The following PPP3CA variants were observed in gnomAD, a reference collection of about 807,000 sequenced individuals.
PPP3CA encodes CAM-PRP catalytic subunit.
A neutral mutation model predicts 66.5 loss-of-function variants in PPP3CA; 14 were observed. The observed-to-expected ratio is 0.21, with a 90% CI of 0.14 to 0.33. PPP3CA has a LOEUF of 0.33. Ranked by LOEUF, PPP3CA falls within the 10% of genes least tolerant of loss-of-function variation. The pLI is 1.00. For missense variants in PPP3CA, 317 were observed against 639.5 expected (o/e 0.50, Z 5.44); for synonymous variants, 232 against 226.2 (o/e 1.03, Z -0.23).
intron 2 of PPP3CA, among the ~76,000 whole-genome samples, chr4:101,125,493 A>G (rs796540702): frequency 2.0e-4 from 31 of 152,230 alleles, no homozygotes; most frequent in African/African-American, 7.5e-4. Context: ...CACTGCATCC[A>G]GGGAATGGTG....
At position 101,275,899 on chromosome 4, in the gene PPP3CA, T is replaced by G. The variant is rs147546693; in HGVS notation, c.58+70840A>C. Among the ~76,000 whole-genome samples, 1,231 of 151,286 alleles carry G rather than the reference T, an allele frequency of 8.1e-3. 10 individuals are homozygous for G. The highest frequency in any genetic ancestry group is 0.02 in the Middle Eastern group (6 of 294). On this transcript the variant is annotated intron_variant, in intron 1 of 13. Transcript: ENST00000394854. ...TTTTTGTTTGTTTGTTTGTTTTTTG[T>G]TTTTTGTTTTTTTTTGAGACAGGGT...
chr4:101,045,090 G>C (rs1727700532), intron 10 of PPP3CA, among the ~76,000 whole-genome samples: 1 of 152,218 alleles, frequency 6.6e-6, no homozygotes, highest in African/African-American at 2.4e-5. Flanking sequence ...ACCTGAATTA[G>C]TAGTGTGCAG....
chr4:101,256,075 G>C (rs1420520554), intron 1 of PPP3CA, among the ~76,000 whole-genome samples: 1 of 151,866 alleles, frequency 6.6e-6, no homozygotes, highest in Admixed American at 6.6e-5. Context: ...CCCCTGAACA[G>C]GGGTGCTGAT....
At chr4:101,286,807 A>C (rs924764434) in intron 1 of PPP3CA, among the ~76,000 whole-genome samples, 11 of 152,224 alleles carry the variant, frequency 7.2e-5, no homozygotes, top group African/African-American at 2.2e-4. Context: ...GAGAATCTGA[A>C]GGCCTATAAA....
intron 1 of PPP3CA, among the ~76,000 whole-genome samples, chr4:101,302,530 G>A (rs1273378888): frequency 2.6e-5 from 4 of 152,050 alleles, no homozygotes; most frequent in African/African-American, 7.2e-5. Context: ...TGCCATTACG[G>A]CACTTTTCTG....
intron 2 of PPP3CA, among the ~76,000 whole-genome samples, chr4:101,159,691 C>T (rs1400939444): frequency 6.6e-6 from 1 of 152,096 alleles, no homozygotes; most frequent in African/African-American, 2.4e-5. Context: ...AAATTATTCC[C>T]ATCCTATGTG....
intron 1 of PPP3CA, among the ~76,000 whole-genome samples, chr4:101,283,136 A>G (rs1181931410): frequency 6.6e-6 from 1 of 152,238 alleles, no homozygotes; most frequent in African/African-American, 2.4e-5. Context: ...TAGTATTACC[A>G]CTTTACAGGA....
chr4:101,342,211 G>C (rs1729839973), intron 1 of PPP3CA, among the ~76,000 whole-genome samples: 3 of 152,042 alleles, frequency 2.0e-5, no homozygotes, highest in Non-Finnish European at 2.9e-5. Flanking sequence ...ATTTTAACTG[G>C]ATGTCTTAAG....
chr4:101,085,150 G>C (rs866606049), intron 6 of PPP3CA, among the ~76,000 whole-genome samples: 6 of 152,208 alleles, frequency 3.9e-5, no homozygotes, highest in Admixed American at 6.5e-5. Flanking sequence ...CAGCTAAGGG[G>C]CACAGAATAG....
At chr4:101,223,260 G>C (rs1725680427) in intron 1 of PPP3CA, among the ~76,000 whole-genome samples, 1 of 151,758 alleles carries the variant, frequency 6.6e-6, no homozygotes, top group Non-Finnish European at 1.5e-5. Context: ...GGAAAGAAAT[G>C]TAACTATCTC....
chr4:101,192,675 T>C (rs550878297), intron 2 of PPP3CA, among the ~76,000 whole-genome samples: 4 of 152,326 alleles, frequency 2.6e-5, no homozygotes, highest in African/African-American at 9.6e-5. Flanking sequence ...ACAATTGTAC[T>C]TATCATACAT....
chr4:101,280,229 A>C (rs1321272236), intron 1 of PPP3CA, among the ~76,000 whole-genome samples: 1 of 152,178 alleles, frequency 6.6e-6, no homozygotes, highest in African/African-American at 2.4e-5. Context: ...AAGTAGCCAG[A>C]TTGAGAATAG....
rs774880184 is a variant in PPP3CA, at chr4:101,334,848, G to A, written c.58+11891C>T. On this transcript the variant is annotated intron_variant, in intron 1 of 13. Transcript: ENST00000394854. ...TACATGATATAACATTCACTTCTAC[G>A]AAACACTAGGATAAACAAATCCAGA... Among the ~76,000 whole-genome samples the A allele has an allele frequency of 5.3e-5, 8 of 152,002 alleles. No individual in the cohort carries two copies. The South Asian group carries it at 6.2e-4, about 12-fold the overall frequency.
At chr4:101,312,650 T>C (rs1283714307) in intron 1 of PPP3CA, among the ~76,000 whole-genome samples, 1 of 152,062 alleles carries the variant, frequency 6.6e-6, no homozygotes, top group Non-Finnish European at 1.5e-5. Flanking sequence ...TTTAGTAAAA[T>C]GTGGTCTGAA....
At chr4:101,084,678 G>A (rs1729584476) in intron 6 of PPP3CA, among the ~76,000 whole-genome samples, 2 of 151,912 alleles carry the variant, frequency 1.3e-5, no homozygotes, top group Non-Finnish European at 2.9e-5. Context: ...TACAGTTATA[G>A]AGATACTGAC....
At chr4:101,324,660 G>T (rs1475385189) in intron 1 of PPP3CA, among the ~76,000 whole-genome samples, 1 of 151,312 alleles carries the variant, frequency 6.6e-6, no homozygotes, top group Non-Finnish European at 1.5e-5. Context: ...CTCCCTCAGT[G>T]TAACTCTTCA....
chr4:101,118,325 G>A (rs556989490), intron 2 of PPP3CA, among the ~76,000 whole-genome samples: 2 of 152,118 alleles, frequency 1.3e-5, no homozygotes, highest in South Asian at 4.2e-4. Flanking sequence ...TGGAGAATCA[G>A]CTAATCTCTC....
intron 2 of PPP3CA, among the ~76,000 whole-genome samples, chr4:101,119,470 A>G (rs1721953616): frequency 6.6e-6 from 1 of 152,070 alleles, no homozygotes; most frequent in Non-Finnish European, 1.5e-5. Flanking sequence ...AAACAGAAGT[A>G]ATGTAAGACA....
At chr4:101,346,176 G>A (rs934649471) in intron 1 of PPP3CA, among the ~76,000 whole-genome samples, 2 of 151,798 alleles carry the variant, frequency 1.3e-5, no homozygotes, top group African/African-American at 2.4e-5. Flanking sequence ...TCCTGTGCAG[G>A]CCCTTCCAGG....
Sources: gnomAD v4.1 joint callset for allele counts (sites outside exome capture counted in the v4.1 genomes callset) on GRCh38, gnomAD v4.1.1 for gene constraint, MANE v1.5 for transcripts, NCBI Gene and HGNC (gene_info 2026-07-23, HGNC 2026-07-21) for gene names.